The following UTRN variants were observed in gnomAD, a reference collection of about 807,000 sequenced individuals.
The protein encoded by UTRN is utrophin.
Under a neutral mutation model 463.9 loss-of-function variants are expected in UTRN, and 283 were observed. That is an observed-to-expected ratio of 0.61 (90% CI 0.55 to 0.67). The LOEUF is 0.67. Among genes scored for constraint, UTRN ranks in the 30% least tolerant of loss-of-function variants. The probability of loss-of-function intolerance (pLI) is 0.00; values close to 1 mark genes in which losing one functional copy is unlikely to be tolerated. For missense variants in UTRN, 3,922 were observed against 4,084.3 expected (o/e 0.96, Z 1.08); for synonymous variants, 1,442 against 1,431.5 (o/e 1.01, Z -0.17).
intron 57 of UTRN, among the ~76,000 whole-genome samples, chr6:144,756,670 T>A (rs1792028252): frequency 6.6e-6 from 1 of 152,136 alleles, no homozygotes; most frequent in Admixed American, 6.6e-5. Context: ...TTGGCTCTAA[T>A]GAGAAATGTA....
At chr6:144,590,075 G>A (rs1368596562) in intron 51 of UTRN, among the ~76,000 whole-genome samples, 1 of 151,848 alleles carries the variant, frequency 6.6e-6, no homozygotes, top group African/African-American at 2.4e-5. Flanking sequence ...TGCGCCGGCT[G>A]GTCTCAAACT....
intron 51 of UTRN, among the ~76,000 whole-genome samples, chr6:144,598,222 A>G (rs1803857144): frequency 6.6e-6 from 1 of 152,170 alleles, no homozygotes; most frequent in Non-Finnish European, 1.5e-5. Flanking sequence ...CATTTTAGGG[A>G]GAAAATAGAC....
At chr6:144,724,029 A>G (rs1787537266) in intron 53 of UTRN, among the ~76,000 whole-genome samples, 1 of 144,180 alleles carries the variant, frequency 6.9e-6, no homozygotes. Context: ...AAAAAAAAAA[A>G]GAAAGAAAAA....
intron 74 of UTRN, among the ~76,000 whole-genome samples, chr6:144,849,970 T>G (rs1275995709): frequency 3.3e-5 from 5 of 152,302 alleles, no homozygotes; most frequent in Admixed American, 3.3e-4. Context: ...GGCACTTACC[T>G]CATATTACAA....
chr6:144,803,769 C>T (rs1007367984), intron 65 of UTRN, among the ~76,000 whole-genome samples: 1 of 151,976 alleles, frequency 6.6e-6, no homozygotes, highest in Admixed American at 6.6e-5. Context: ...AAATAACACT[C>T]TTACAAGTAT....
intron 51 of UTRN, among the ~76,000 whole-genome samples, chr6:144,613,926 CTATTT>C (rs1805793496): frequency 6.6e-6 from 1 of 151,980 alleles, no homozygotes; most frequent in Non-Finnish European, 1.5e-5. Flanking sequence ...TTTCAAAACA[CTATTT>C]TATTTTATCT....
intron 2 of UTRN, among the ~76,000 whole-genome samples, chr6:144,303,251 T>C (rs1433652609): frequency 6.6e-6 from 1 of 152,206 alleles, no homozygotes; most frequent in Non-Finnish European, 1.5e-5. Context: ...GTGCAAAGCC[T>C]CAATGTAAAC....
At chr6:144,782,640 T>A (rs4896744) in intron 61 of UTRN, among the ~76,000 whole-genome samples, 33 of 80,618 alleles carry the variant, frequency 4.1e-4, no homozygotes, top group African/African-American at 2.5e-3. Flanking sequence ...ATATATATAA[T>A]ATATATATAT....
chr6:144,601,392 G>A (rs994229343), intron 51 of UTRN, among the ~76,000 whole-genome samples: 1 of 152,158 alleles, frequency 6.6e-6, no homozygotes, highest in African/African-American at 2.4e-5. Context: ...ACATTTACAG[G>A]AGTTTGGAAG....
At chr6:144,782,870 G>A (rs774925787) in intron 61 of UTRN, among the ~76,000 whole-genome samples, 11 of 152,058 alleles carry the variant, frequency 7.2e-5, no homozygotes, top group Non-Finnish European at 1.5e-4. Context: ...TTGTTCTGGT[G>A]GGAGGTTAAA....
chr6:144,644,144 C>T (rs1336344071), intron 51 of UTRN, among the ~76,000 whole-genome samples: 1 of 152,094 alleles, frequency 6.6e-6, no homozygotes, highest in Non-Finnish European at 1.5e-5. Context: ...CCTATGTAGG[C>T]CTATGTAGAA....
In UTRN at chr6:144,533,236, C is replaced by G; in HGVS notation, c.6209C>G (p.Ala2070Gly). 6.2e-7 allele frequency: 1 copy of G among 1,614,020 alleles called. No individual in the cohort carries two copies. Among genetic ancestry groups the G allele is most frequent in the Non-Finnish European group, 8.5e-7 (1 of 1,179,944 alleles). The change falls in exon 43 of 75, where the codon GCA becomes GGA. Residue 2070 changes from alanine (A) to glycine (G), a missense_variant. Physicochemically the swap from Ala to Gly is moderately conservative, Grantham distance 60. This residue lies in a region of UTRN where 2,349 missense variants were observed against 2,303.8 expected (regional missense o/e 1.02). Transcript: ENST00000367545. ...GLNQRWDAIVAEVKDRQPRLK... is the reference protein window; with the variant it reads ...GLNQRWDAIVGEVKDRQPRLK... Reference sequence around the variant, plus strand: ...AACCAACGCTGGGATGCAATTGTTGCAGAAGTGAAGGATAGGCAGCCAAGG... The same window carrying G: ...AACCAACGCTGGGATGCAATTGTTGGAGAAGTGAAGGATAGGCAGCCAAGG...
Position 144,748,521 on chromosome 6 carries a change from A to C in UTRN, c.8208+7A>C. On this transcript the variant is annotated splice_region_variant and intron_variant, in intron 55 of 74. Coordinates refer to ENST00000367545, the MANE Select transcript of UTRN (RefSeq NM_007124.3). ...TCACATTGAAAAAATCATGGTCAGC[A>C]TCATTGTCTTTGAAGGATTTTTAAG... is the stretch of plus-strand genomic sequence containing the variant. 6.2e-7 allele frequency: 1 copy of C among 1,606,378 alleles called. No individual in the cohort carries two copies. The highest frequency in any genetic ancestry group is 8.5e-7 in the Non-Finnish European group (1 of 1,177,340).
chr6:144,637,547 G>A (rs1376079153), intron 51 of UTRN, among the ~76,000 whole-genome samples: 1 of 151,528 alleles, frequency 6.6e-6, no homozygotes, highest in African/African-American at 2.4e-5. Context: ...TTCTTCCTAA[G>A]TACCACACCC....
In UTRN at chr6:144,516,367, T is replaced by C; in HGVS notation, c.5383T>C (p.Ser1795Pro). The change falls in exon 38 of 75, where the codon TCC becomes CCC. Residue 1795 changes from serine (S) to proline (P), a missense_variant. By Grantham distance (74) the Ser-to-Pro change is moderately conservative. Coordinates refer to ENST00000367545, the MANE Select transcript of UTRN (RefSeq NM_007124.3). ...MLKFVEKHLE[S>P]SDEDEKMDEE... Reference sequence around the variant, plus strand: ...AAAATTTGTGGAAAAACACTTGGAATCCAGTGATGAAGATGAAAAGGTTGG... The same window carrying C: ...AAAATTTGTGGAAAAACACTTGGAACCCAGTGATGAAGATGAAAAGGTTGG... 6.2e-7 allele frequency: 1 copy of C among 1,613,208 alleles called. No homozygotes were observed. Among genetic ancestry groups the C allele is most frequent in the Non-Finnish European group, 8.5e-7 (1 of 1,179,756 alleles).
chr6:144,475,765 A>G (rs911826672), intron 25 of UTRN, among the ~76,000 whole-genome samples: 12 of 152,050 alleles, frequency 7.9e-5, no homozygotes, highest in African/African-American at 2.7e-4. Context: ...GTTCACCACT[A>G]TGCCTAGATA....
intron 53 of UTRN, among the ~76,000 whole-genome samples, chr6:144,711,222 A>G (rs1360421346): frequency 6.6e-6 from 1 of 152,052 alleles, no homozygotes; most frequent in East Asian, 1.9e-4. Context: ...AGACTGAGGC[A>G]GTAGAATCGC....
At chr6:144,540,355 A>G (rs1797888114) in intron 45 of UTRN, among the ~76,000 whole-genome samples, 1 of 152,062 alleles carries the variant, frequency 6.6e-6, no homozygotes, top group Non-Finnish European at 1.5e-5. Flanking sequence ...CTTGGTTTGG[A>G]TGGACTCCAT....
chr6:144,508,457 G>A (rs901021673), intron 34 of UTRN, among the ~76,000 whole-genome samples: 4 of 152,134 alleles, frequency 2.6e-5, no homozygotes, highest in African/African-American at 7.2e-5. Flanking sequence ...GGATAGCACC[G>A]TACCTCACGG....
Sources: gnomAD v4.1 joint callset for allele counts (sites outside exome capture counted in the v4.1 genomes callset) on GRCh38, gnomAD v4.1.1 for gene constraint, gnomAD v4.1.1 regional missense constraint, MANE v1.5 for transcripts, NCBI Gene and HGNC (gene_info 2026-07-23, HGNC 2026-07-21) for gene names.